Variants in ITSN1 observed in about 807,000 individuals in gnomAD.
ITSN1 encodes intersectin 1.
A neutral mutation model predicts 239.8 loss-of-function variants in ITSN1; 58 were observed. That is an observed-to-expected ratio of 0.24 (90% CI 0.20 to 0.30). ITSN1 has a LOEUF of 0.30. ITSN1 is among the 10% of genes least tolerant of loss of function. The probability of loss-of-function intolerance (pLI) is 1.00; values close to 1 mark genes in which losing one functional copy is unlikely to be tolerated. For synonymous variants in ITSN1, 780 were observed against 770.8 expected, an observed-to-expected ratio of 1.01 and a Z score of -0.20; for missense variants, 1,558 against 2,103.3, an observed-to-expected ratio of 0.74 and a Z score of 5.07.
chr21:33,831,929 G>A (rs1461534427), intron 27 of ITSN1, among the ~76,000 whole-genome samples: 2 of 152,008 alleles, frequency 1.3e-5, no homozygotes, highest in African/African-American at 4.8e-5. Context: ...GGCCTCCTTA[G>A]ACCCTCGGGT....
intron 1 of ITSN1, among the ~76,000 whole-genome samples, chr21:33,697,086 C>CT (rs879424954): frequency 0.019 from 2,594 of 139,096 alleles, 69 homozygotes; most frequent in African/African-American, 0.059. Flanking sequence ...TAGATTGTCT[C>CT]TTTTTTTTTT....
chr21:33,782,796 C>T (rs1021853920), intron 16 of ITSN1, among the ~76,000 whole-genome samples: 3 of 152,062 alleles, frequency 2.0e-5, no homozygotes, highest in African/African-American at 7.2e-5. Context: ...GAGGCCGAGG[C>T]AGGCGGATCA....
At position 33,890,564 on chromosome 21, in the gene ITSN1, T is replaced by G. The variant is rs1452607479; in HGVS notation, c.*2264T>G. ...CAAGTTCTGGATTAGTGTCCTTGTA[T>G]TTACTGGTGTAATTTGTAATGTAAC... On this transcript the variant is annotated 3_prime_UTR_variant, in exon 40 of 40. Transcript: ENST00000381318. 1 of 152,204 alleles carries G rather than the reference T, an allele frequency of 6.6e-6. No homozygotes were observed. Among genetic ancestry groups the G allele is most frequent in the African/African-American group, 2.4e-5 (1 of 41,446 alleles). The allele number at this position is 152,204 out of a possible 1,614,324, so 9.4% of individuals were successfully genotyped here. A position where few individuals can be genotyped will look rare whatever the true frequency, so the allele number is the denominator to read the frequency against.
Position 33,811,282 on chromosome 21 carries a change from C to T in ITSN1, c.2567+60C>T, listed in dbSNP as rs1045810748. On this transcript the variant is annotated intron_variant, in intron 21 of 39. Coordinates refer to ENST00000381318, the MANE Select transcript of ITSN1 (RefSeq NM_003024.3). ...AAATCCCAATTTGATCATTTCCCCC[C>T]CACCCCCTTAAGTATTTTCATAGTC... 4.0e-6 allele frequency: 6 copies of T among 1,484,354 alleles called. No individual in the cohort carries two copies. The African/African-American group carries it at 8.4e-5, about 21-fold the overall frequency. The allele number at this position is 1,484,354 out of a possible 1,614,324, so 91.9% of individuals were successfully genotyped here.
chr21:33,691,786 C>G (rs1182913689), intron 1 of ITSN1, among the ~76,000 whole-genome samples: 1 of 152,190 alleles, frequency 6.6e-6, no homozygotes, highest in Non-Finnish European at 1.5e-5. Flanking sequence ...AAGGAGAGAT[C>G]ATCTCTCTGA....
intron 10 of ITSN1, 42 bp downstream of exon 10, chr21:33,766,054 T>A (rs1330261553): frequency 1.2e-6 from 2 of 1,606,290 alleles, no homozygotes. Context: ...ATGCGGAGTA[T>A]ATGAATTCCA....
chr21:33,873,883 G>A (rs1983179886), intron 33 of ITSN1, among the ~76,000 whole-genome samples: 1 of 145,470 alleles, frequency 6.9e-6, no homozygotes, highest in African/African-American at 2.6e-5. Context: ...ATTTATGGCT[G>A]GGTGCGGTGG....
intron 22 of ITSN1, among the ~76,000 whole-genome samples, chr21:33,816,611 G>C (rs564686934): frequency 5.3e-5 from 8 of 152,334 alleles, no homozygotes; most frequent in Non-Finnish European, 8.8e-5. Flanking sequence ...TGACAAAGCA[G>C]ACACGGGGAA....
At chr21:33,753,521 G>A (rs1487744074) in intron 7 of ITSN1, among the ~76,000 whole-genome samples, 1 of 152,018 alleles carries the variant, frequency 6.6e-6, no homozygotes, top group Non-Finnish European at 1.5e-5. Context: ...CCAGCACTTT[G>A]GTAGGCCAAG....
At chr21:33,644,932 C>CCACCCCAGCT (rs1188819255) in intron 1 of ITSN1, among the ~76,000 whole-genome samples, 82 of 152,064 alleles carry the variant, frequency 5.4e-4, no homozygotes, top group African/African-American at 2.0e-3. Context: ...AGTGATCTTC[C>CCACCCCAGCT]CACCCCAGCT....
intron 16 of ITSN1, among the ~76,000 whole-genome samples, chr21:33,785,622 T>C (rs1342142490): frequency 6.6e-6 from 1 of 152,142 alleles, no homozygotes; most frequent in African/African-American, 2.4e-5. Flanking sequence ...TCTCAAAGCA[T>C]TAATTAAAGA....
chr21:33,865,349 T>A lies in ITSN1; in HGVS notation c.4074+15T>A, dbSNP rs777429325. ...AGTTCGTCAAAGTAAGGAGCCAGGC[T>A]GTGCAGAGACTGGGCCCCAGAGTGG... is the stretch of plus-strand genomic sequence containing the variant. On this transcript the variant is annotated intron_variant, in intron 32 of 39. Coordinates refer to ENST00000381318, the MANE Select transcript of ITSN1 (RefSeq NM_003024.3). This position sits in a 1 kb window ranked among gnomAD's most constrained non-coding sequence, Gnocchi z 4.4. 4 of 1,527,224 alleles carry A rather than the reference T, an allele frequency of 2.6e-6. No individual in the cohort carries two copies. In the African/African-American group the frequency reaches 5.5e-5, roughly 21 times the overall value. The allele number at this position is 1,527,224 out of a possible 1,614,324, so 94.6% of individuals were successfully genotyped here. A position where few individuals can be genotyped will look rare whatever the true frequency, so the allele number is the denominator to read the frequency against.
chr21:33,684,198 T>C (rs923341251), intron 1 of ITSN1, among the ~76,000 whole-genome samples: 1 of 152,222 alleles, frequency 6.6e-6, no homozygotes. Context: ...TGACTACTTA[T>C]CTAATCTGCC....
intron 1 of ITSN1, among the ~76,000 whole-genome samples, chr21:33,697,029 A>G (rs951244941): frequency 3.3e-5 from 5 of 151,282 alleles, no homozygotes; most frequent in East Asian, 1.9e-4. Flanking sequence ...GGGCTTTGCA[A>G]TGGTTGAAAC....
chr21:33,682,542 T>A (rs1601613068), intron 1 of ITSN1, among the ~76,000 whole-genome samples: 1 of 152,046 alleles, frequency 6.6e-6, no homozygotes, highest in Non-Finnish European at 1.5e-5. Context: ...CTTTCTTTTT[T>A]TGAGATGGAG....
Position 33,774,887 on chromosome 21 carries a change from A to C in ITSN1, c.1455+9A>C, listed in dbSNP as rs1344798695. Reference sequence around the variant, plus strand: ...TTGAATTAGAAGCTCTAGTGAGTGAAGTTTGGTTATACTTTGAAAATATAC... The same window carrying C: ...TTGAATTAGAAGCTCTAGTGAGTGACGTTTGGTTATACTTTGAAAATATAC... On this transcript the variant is annotated intron_variant, in intron 13 of 39. Coordinates refer to ENST00000381318, the MANE Select transcript of ITSN1 (RefSeq NM_003024.3). 1 of 1,608,716 alleles carries C rather than the reference A, an allele frequency of 6.2e-7. No individual in the cohort carries two copies. Among genetic ancestry groups the C allele is most frequent in the Non-Finnish European group, 8.5e-7 (1 of 1,178,230 alleles).
rs1602741873 is a variant in ITSN1 at position 33,891,078 on chromosome 21, G to C, written c.*2778G>C. The C allele has an allele frequency of 1.3e-5, 2 of 152,340 alleles. No individual in the cohort carries two copies. Among genetic ancestry groups the C allele is most frequent in the East Asian group, 3.8e-4 (2 of 5,204 alleles). 9.4% of individuals were successfully genotyped at this position (152,340 alleles called of 1,614,324 possible). A position where few individuals can be genotyped will look rare whatever the true frequency, so the allele number is the denominator to read the frequency against. On this transcript the variant is annotated 3_prime_UTR_variant, in exon 40 of 40. Coordinates refer to ENST00000381318, the MANE Select transcript of ITSN1 (RefSeq NM_003024.3). ...CAGAGTCCACATCCTGGTCCCTCTG[G>C]GGCAGGGCCTGTCTGGCTGCTGGCA... is the stretch of plus-strand genomic sequence containing the variant.
chr21:33,805,828 C>T (rs1347208361), intron 20 of ITSN1, among the ~76,000 whole-genome samples: 32 of 150,980 alleles, frequency 2.1e-4, no homozygotes, highest in African/African-American at 6.8e-4. Context: ...CCCGCCACCA[C>T]GCCCGGCTAA....
chr21:33,703,072 C>T (rs1024616765), intron 1 of ITSN1, among the ~76,000 whole-genome samples: 1 of 142,672 alleles, frequency 7.0e-6, no homozygotes, highest in Non-Finnish European at 1.5e-5. Context: ...GGTGGCTGAG[C>T]GAGACTCTGT....
Sources: allele counts gnomAD v4.1 joint callset (sites outside exome capture counted in the v4.1 genomes callset), GRCh38; gene constraint gnomAD v4.1.1; non-coding constraint Gnocchi (gnomAD v3.1); transcripts MANE v1.5; gene names NCBI Gene and HGNC (gene_info 2026-07-23, HGNC 2026-07-21).